The following CERKL variants were observed in gnomAD, a reference collection of about 807,000 sequenced individuals.
CERKL encodes the protein ceramide kinase-like protein.
Under a neutral mutation model 63.4 loss-of-function variants are expected in CERKL, and 61 were observed. The observed-to-expected ratio is 0.96, with a 90% confidence interval of 0.78 to 1.19. The LOEUF is 1.19. Among genes scored for constraint, CERKL ranks in the 50% most tolerant of loss-of-function variants. The pLI is 0.00. For synonymous variants in CERKL, 250 were observed against 230.5 expected, an observed-to-expected ratio of 1.08 and a Z score of -0.77; for missense variants, 675 against 655.5, an observed-to-expected ratio of 1.03 and a Z score of -0.33.
chr2:181,549,761 A>T, intron 5 of CERKL, 53 bp from the exon 6 acceptor site: 2 of 1,178,622 alleles, frequency 1.7e-6, no homozygotes, highest in Non-Finnish European at 1.3e-6. Context: ...TGTTCAAACT[A>T]ACATTTGCTT....
chr2:181,648,342 T>C (rs1416207503), intron 1 of CERKL, among the ~76,000 whole-genome samples: 1 of 152,088 alleles, frequency 6.6e-6, no homozygotes, highest in Non-Finnish European at 1.5e-5. Flanking sequence ...TTCTCATCAG[T>C]AACATTAAAT....
chr2:181,620,819 C>G (rs1268431108), intron 1 of CERKL, among the ~76,000 whole-genome samples: 1 of 152,114 alleles, frequency 6.6e-6, no homozygotes, highest in East Asian at 1.9e-4. Flanking sequence ...GCCTTGTTGA[C>G]CGAACATCCA....
chr2:181,542,358 T>A (rs1029450687), intron 11 of CERKL, among the ~76,000 whole-genome samples: 10 of 152,186 alleles, frequency 6.6e-5, no homozygotes, highest in Admixed American at 6.5e-4. Context: ...CAGATGTTAC[T>A]CTCCTTAAAC....
At chr2:181,601,202 A>C (rs372497625) in intron 2 of CERKL, among the ~76,000 whole-genome samples, 5 of 152,354 alleles carry the variant, frequency 3.3e-5, no homozygotes, top group Admixed American at 3.3e-4. Context: ...TGAATACCAG[A>C]ACTACATGGA....
At position 181,537,826 on chromosome 2, in the gene CERKL, A is replaced by G. The variant is rs1424025470; in HGVS notation, c.*358T>C. 4.2e-6 allele frequency: 2 copies of G among 480,730 alleles called. No homozygotes were observed. Among genetic ancestry groups the G allele is most frequent in the South Asian group, 3.1e-5 (2 of 64,716 alleles). The allele number at this position is 480,730 out of a possible 1,614,324, so 29.8% of individuals were successfully genotyped here. On this transcript the variant is annotated 3_prime_UTR_variant, in exon 13 of 13. Coordinates refer to ENST00000410087, the MANE Select transcript of CERKL (RefSeq NM_201548.5). ...TTTAAAGCCCTAGAGGCTAATTGTT[A>G]GTAACATCAATTTCTATTAGGATAT...
chr2:181,604,163 A>T, intron 1 of CERKL, 84 bp from the exon 2 acceptor site: 1 of 1,093,906 alleles, frequency 9.1e-7, no homozygotes, highest in Non-Finnish European at 1.3e-6. Flanking sequence ...CAGAGGGTAG[A>T]AAGTGAGCAA....
Position 181,558,858 on chromosome 2 carries a change from G to C in CERKL, c.678-150C>G. 1.3e-6 allele frequency: 1 copy of C among 757,152 alleles called. No homozygotes were observed. Among genetic ancestry groups the C allele is most frequent in the Non-Finnish European group, 2.3e-6 (1 of 443,228 alleles). 46.9% of individuals were successfully genotyped at this position (757,152 alleles called of 1,614,324 possible). A position where few individuals can be genotyped will look rare whatever the true frequency, so the allele number is the denominator to read the frequency against. ...TTTAAACATGTTAATATGTGTCAAT[G>C]GGTAAGACAACACAAACACAACACA... On this transcript the variant is annotated intron_variant, in intron 4 of 12. Coordinates refer to ENST00000410087, the MANE Select transcript of CERKL (RefSeq NM_201548.5). The surrounding 1 kb of genome is among the most constrained non-coding windows in gnomAD (Gnocchi z 4.2).
chr2:181,619,750 T>A (rs962058293), intron 1 of CERKL, among the ~76,000 whole-genome samples: 4 of 152,146 alleles, frequency 2.6e-5, no homozygotes, highest in Non-Finnish European at 4.4e-5. Context: ...ATAACCTTCA[T>A]TTCTCAGTCC....
At chr2:181,576,149 G>A (rs1689126340) in intron 2 of CERKL, among the ~76,000 whole-genome samples, 1 of 151,960 alleles carries the variant, frequency 6.6e-6, no homozygotes, top group East Asian at 1.9e-4. Flanking sequence ...AGATGAGAAG[G>A]GAACATTCTG....
intron 1 of CERKL, among the ~76,000 whole-genome samples, chr2:181,615,501 C>A (rs569343169): frequency 6.6e-6 from 1 of 152,210 alleles, no homozygotes. Flanking sequence ...AGTTTCTGCA[C>A]ATGTCCACTT....
chr2:181,594,105 G>A (rs972040760), intron 2 of CERKL, among the ~76,000 whole-genome samples: 2 of 152,100 alleles, frequency 1.3e-5, no homozygotes, highest in African/African-American at 4.8e-5. Flanking sequence ...AATAGATAAG[G>A]AGAATACTCA....
chr2:181,573,840 G>A lies in CERKL; in HGVS notation c.526C>T (p.Gln176Ter), dbSNP rs988540767. The change falls in exon 3 of 13, where the codon CAA (glutamine) becomes TAA (stop). Residue 176 changes from glutamine (Q) to a stop codon, truncating the protein, a stop_gained. Transcript: ENST00000410087. LOFTEE classifies it high-confidence loss of function. ...PKSLKILLNP[Q>*]SHKKEATQVY... ...TGGGTAGCTTCTTTTTTGTGACTTT[G>A]GGGGTTAAGGAGTATTTTTAATGAC... is the stretch of plus-strand genomic sequence containing the variant. 2 of 1,612,176 alleles carry A rather than the reference G, an allele frequency of 1.2e-6. No homozygotes were observed. The highest frequency in any genetic ancestry group is 2.7e-5 in the African/African-American group (2 of 74,808).
At chr2:181,582,446 A>G (rs1307926791) in intron 2 of CERKL, among the ~76,000 whole-genome samples, 2 of 151,952 alleles carry the variant, frequency 1.3e-5, no homozygotes, top group African/African-American at 4.8e-5. Flanking sequence ...TAGTAGTAGT[A>G]TCGGTATAAA....
At chr2:181,633,784 G>C (rs1363069796) in intron 1 of CERKL, among the ~76,000 whole-genome samples, 1 of 152,110 alleles carries the variant, frequency 6.6e-6, no homozygotes, top group Non-Finnish European at 1.5e-5. Flanking sequence ...AATTTCTCTA[G>C]TCTCCATAAA....
At chr2:181,588,926 G>T (rs1044526924) in intron 2 of CERKL, among the ~76,000 whole-genome samples, 2 of 152,070 alleles carry the variant, frequency 1.3e-5, no homozygotes, top group Non-Finnish European at 2.9e-5. Flanking sequence ...TTTTATTCAT[G>T]TTATTTGTTT....
At chr2:181,621,685 C>A (rs1225203660) in intron 1 of CERKL, among the ~76,000 whole-genome samples, 1 of 152,080 alleles carries the variant, frequency 6.6e-6, no homozygotes, top group Non-Finnish European at 1.5e-5. Flanking sequence ...GAAAGTATTA[C>A]CTGATGAGAA....
intron 11 of CERKL, among the ~76,000 whole-genome samples, chr2:181,541,971 G>A (rs1332565368): frequency 2.0e-5 from 3 of 152,174 alleles, no homozygotes; most frequent in Non-Finnish European, 4.4e-5. Context: ...CAGATAAGAC[G>A]AGATGACAGA....
intron 4 of CERKL, among the ~76,000 whole-genome samples, chr2:181,560,494 CAAT>C (rs1209086709): frequency 2.2e-4 from 34 of 152,064 alleles, no homozygotes; most frequent in African/African-American, 7.0e-4. Flanking sequence ...ACAATTATAA[CAAT>C]AAAGAAATAT....
rs780022888 is a variant in CERKL, at chr2:181,549,737, A to G, written c.821-29T>C. ...CCAAAGCAATTTTAAAACATGCACT[A>G]TTAGGGTAGAATGTGTTCAAACTAA... On this transcript the variant is annotated intron_variant, in intron 5 of 12. Coordinates refer to ENST00000410087, the MANE Select transcript of CERKL (RefSeq NM_201548.5). 53 of 1,440,330 alleles carry G rather than the reference A, an allele frequency of 3.7e-5. 1 individual carries two copies. In the South Asian group the frequency reaches 5.7e-4, roughly 16 times the overall value. 89.2% of individuals were successfully genotyped at this position (1,440,330 alleles called of 1,614,324 possible). A position where few individuals can be genotyped will look rare whatever the true frequency, so the allele number is the denominator to read the frequency against.
Sources: gnomAD v4.1 joint callset for allele counts (sites outside exome capture counted in the v4.1 genomes callset) on GRCh38, gnomAD v4.1.1 for gene constraint, Gnocchi (gnomAD v3.1) non-coding constraint, MANE v1.5 for transcripts, NCBI Gene and HGNC (gene_info 2026-07-23, HGNC 2026-07-21) for gene names.